BMPR1B: variants seen among roughly 807,000 people sequenced by gnomAD.
The protein encoded by BMPR1B is bone morphogenetic protein receptor type-1B.
A neutral mutation model predicts 59.1 loss-of-function variants in BMPR1B; 12 were observed. The ratio of observed to expected loss-of-function variants is 0.20; its 90% CI spans 0.13 to 0.33. BMPR1B has a LOEUF of 0.33. Ranked by LOEUF, BMPR1B falls within the 10% of genes least tolerant of loss-of-function variation. The pLI, the probability that BMPR1B is intolerant of heterozygous loss-of-function variation, is 1.00. For missense variants in BMPR1B, 550 were observed against 610.9 expected, an observed-to-expected ratio of 0.90 and a Z score of 1.05; for synonymous variants, 237 against 207.3, an observed-to-expected ratio of 1.14 and a Z score of -1.23.
At chr4:95,118,864 A>G (rs535314617) in intron 6 of BMPR1B, among the ~76,000 whole-genome samples, 1 of 152,302 alleles carries the variant, frequency 6.6e-6, no homozygotes, top group African/African-American at 2.4e-5. Context: ...TGCCGGGGAT[A>G]GGGTTATGGG....
intron 1 of BMPR1B, among the ~76,000 whole-genome samples, chr4:94,849,415 C>T (rs1020708803): frequency 2.0e-5 from 3 of 151,968 alleles, no homozygotes; most frequent in African/African-American, 4.8e-5. Context: ...GGCGGGGAAA[C>T]GAAGTATAGG....
rs879841958 is a variant in BMPR1B, at chr4:94,794,260, A to G, written c.-183+36192A>G. ...ATGGCTAGCCAGTTTTCCCAGCACC[A>G]TTTATTAAATAGGGAATCCTTTCCC... On this transcript the variant is annotated intron_variant, in intron 1 of 12. Transcript: ENST00000515059. Among the ~76,000 whole-genome samples the G allele has an allele frequency of 7.5e-5, 11 of 147,614 alleles. 1 individual carries two copies. The highest frequency in any genetic ancestry group is 1.0e-4 in the Non-Finnish European group (7 of 66,732).
At chr4:94,924,761 G>A (rs552139883) in intron 2 of BMPR1B, among the ~76,000 whole-genome samples, 3 of 152,190 alleles carry the variant, frequency 2.0e-5, no homozygotes, top group East Asian at 1.9e-4. Flanking sequence ...CACACATACC[G>A]TATGACACAT....
At chr4:95,058,986 T>A (rs1283927337) in intron 3 of BMPR1B, among the ~76,000 whole-genome samples, 1 of 152,200 alleles carries the variant, frequency 6.6e-6, no homozygotes, top group Non-Finnish European at 1.5e-5. Flanking sequence ...ATAAAACAAG[T>A]CTTTTTCTGT....
intron 1 of BMPR1B, among the ~76,000 whole-genome samples, chr4:94,800,726 T>G (rs1723374976): frequency 6.6e-6 from 1 of 152,162 alleles, no homozygotes. Context: ...GTTTGGAGGG[T>G]CAAGAGAACC....
At chr4:95,089,784 A>G (rs1443566084) in intron 3 of BMPR1B, among the ~76,000 whole-genome samples, 2 of 152,126 alleles carry the variant, frequency 1.3e-5, no homozygotes. Context: ...CTACAAATCA[A>G]AGCAAAGTAG....
chr4:94,889,498 T>A (rs377531508), intron 2 of BMPR1B, among the ~76,000 whole-genome samples: 1 of 152,244 alleles, frequency 6.6e-6, no homozygotes, highest in Non-Finnish European at 1.5e-5. Context: ...TCTGTACTGC[T>A]GTAGTTTTAA....
intron 3 of BMPR1B, among the ~76,000 whole-genome samples, chr4:94,999,382 TA>T (rs1249512774): frequency 9.9e-5 from 15 of 152,008 alleles, no homozygotes; most frequent in African/African-American, 2.9e-4. Flanking sequence ...TAATAATAAT[TA>T]AAAAATTATT....
At chr4:94,894,992 A>G (rs1727531672) in intron 2 of BMPR1B, among the ~76,000 whole-genome samples, 1 of 152,006 alleles carries the variant, frequency 6.6e-6, no homozygotes, top group South Asian at 2.1e-4. Context: ...GTTATTCTGC[A>G]AGTACCATGA....
chr4:94,902,589 T>C (rs1166157422), intron 2 of BMPR1B, among the ~76,000 whole-genome samples: 2 of 146,982 alleles, frequency 1.4e-5, no homozygotes, highest in Non-Finnish European at 3.0e-5. Context: ...TTAGTAAATA[T>C]TTCTGAATTT....
chr4:94,968,443 G>A (rs986855614), intron 2 of BMPR1B, among the ~76,000 whole-genome samples: 4 of 151,950 alleles, frequency 2.6e-5, no homozygotes, highest in African/African-American at 9.7e-5. Flanking sequence ...ATGGTATATT[G>A]AATTCTGGGG....
intron 1 of BMPR1B, among the ~76,000 whole-genome samples, chr4:94,865,942 T>C (rs1403640968): frequency 6.6e-6 from 1 of 152,134 alleles, no homozygotes; most frequent in Non-Finnish European, 1.5e-5. Context: ...ATACCATAAT[T>C]TTAGAGTATA....
At chr4:95,141,500 C>T (rs1194006204) in intron 10 of BMPR1B, among the ~76,000 whole-genome samples, 3 of 152,132 alleles carry the variant, frequency 2.0e-5, no homozygotes, top group Non-Finnish European at 4.4e-5. Flanking sequence ...ATTTCCTGCT[C>T]ATATAAATTT....
At chr4:95,086,360 T>A (rs1223021599) in intron 3 of BMPR1B, among the ~76,000 whole-genome samples, 1 of 152,214 alleles carries the variant, frequency 6.6e-6, no homozygotes, top group Non-Finnish European at 1.5e-5. Context: ...GCCAGGCTTG[T>A]TACACAGCAG....
intron 1 of BMPR1B, among the ~76,000 whole-genome samples, chr4:94,862,987 G>A (rs1726057975): frequency 2.0e-5 from 3 of 151,082 alleles, no homozygotes; most frequent in African/African-American, 7.3e-5. Context: ...GCATGGTGGT[G>A]GGCGCCTGTA....
rs570691936 is a variant in BMPR1B, at chr4:94,765,056, A to C, written c.-183+6988A>C. Among the ~76,000 whole-genome samples the C allele has an allele frequency of 1.6e-4, 25 of 152,328 alleles. 1 individual carries two copies. The South Asian group carries it at 5.2e-3, about 32-fold the overall frequency. On this transcript the variant is annotated intron_variant, in intron 1 of 12. Coordinates refer to ENST00000515059, the MANE Select transcript of BMPR1B (RefSeq NM_001203.3). ...AGCAACTGAAAGGCAGGGCATGTCT[A>C]AGTGGCTCTTGTTAACCTGCATATA...
chr4:94,906,044 T>C (rs974392266), intron 2 of BMPR1B, among the ~76,000 whole-genome samples: 3 of 151,904 alleles, frequency 2.0e-5, no homozygotes, highest in Admixed American at 6.6e-5. Context: ...CTAAGGTTTG[T>C]TCTGTTTTTG....
rs192239573 is a variant in BMPR1B, at chr4:95,145,796, T to A, written c.1077-2952T>A. ...ATAATTCTCATGTTTGTTGTTTAAG[T>A]GTAGTGCTAAAGGCACTTGCCAATA... On this transcript the variant is annotated intron_variant, in intron 10 of 12. Transcript: ENST00000515059. Among the ~76,000 whole-genome samples the A allele has an allele frequency of 3.3e-5, 5 of 152,354 alleles. No homozygotes were observed. The East Asian group carries it at 7.7e-4, about 24-fold the overall frequency.
rs144969657 is a variant in BMPR1B at position 95,154,143 on chromosome 4, A to G, written c.1384-405A>G. 8.2e-4 allele frequency among the ~76,000 whole-genome samples: 125 copies of G among 152,342 alleles called. 1 individual carries two copies. The highest frequency in any genetic ancestry group is 2.9e-3 in the African/African-American group (119 of 41,590). ...TTGTTAAATGGTGCAGTGTGATGCT[A>G]TTACTGCAGCAGACAGCTATGATTT... On this transcript the variant is annotated intron_variant, in intron 12 of 12. Transcript: ENST00000515059.
Sources: gnomAD v4.1 joint callset for allele counts (sites outside exome capture counted in the v4.1 genomes callset) on GRCh38, gnomAD v4.1.1 for gene constraint, MANE v1.5 for transcripts, NCBI Gene and HGNC (gene_info 2026-07-23, HGNC 2026-07-21) for gene names.